The following SHANK2 variants were observed in gnomAD, a reference collection of about 807,000 sequenced individuals.
SHANK2 encodes SH3 and multiple ankyrin repeat domains 2, also known as SH3 and multiple ankyrin repeat domains protein 2.
Under a neutral mutation model 133.7 loss-of-function variants are expected in SHANK2, and 43 were observed. That is an observed-to-expected ratio of 0.32 (90% CI 0.25 to 0.41). The LOEUF (loss-of-function observed/expected upper bound fraction) is 0.41. Ranked by LOEUF, SHANK2 falls within the 10% of genes least tolerant of loss-of-function variation. The pLI is 1.00. For missense variants in SHANK2, 1,994 were observed against 2,235.8 expected, an observed-to-expected ratio of 0.89 and a Z score of 2.18; for synonymous variants, 1,017 against 952.8, an observed-to-expected ratio of 1.07 and a Z score of -1.24.
At chr11:70,762,550 G>A (rs185333335) in intron 14 of SHANK2, among the ~76,000 whole-genome samples, 96 of 152,282 alleles carry the variant, frequency 6.3e-4, no homozygotes, top group African/African-American at 2.2e-3. Flanking sequence ...CCACCCCAGG[G>A]TGCTGCCCCT....
At chr11:71,174,404 G>A (rs557276982) in intron 2 of SHANK2, among the ~76,000 whole-genome samples, 67 of 152,270 alleles carry the variant, frequency 4.4e-4, no homozygotes, top group African/African-American at 1.3e-3. Flanking sequence ...AAATCAGGCC[G>A]GGTGTGGTGG....
intron 11 of SHANK2, among the ~76,000 whole-genome samples, chr11:70,867,711 C>A (rs1420017868): frequency 3.3e-5 from 5 of 152,248 alleles, no homozygotes; most frequent in African/African-American, 1.2e-4. Flanking sequence ...TTAACATTTA[C>A]CCAGCGGCAC....
rs1362068995 is a variant in SHANK2, at chr11:70,862,624, CTGGACTGGACTGGCTGA to C, written c.1174+33860_1174+33876del. On this transcript the variant is annotated intron_variant, in intron 11 of 25. Transcript: ENST00000601538. ...CTGATGGACTGGACTGGCTGATGGA[CTGGACTGGACTGGCTGA>C]TGGACTGGACTGGCTGATAGACTGG... 2.7e-5 allele frequency among the ~76,000 whole-genome samples: 4 copies of C among 150,508 alleles called. No individual in the cohort carries two copies. The South Asian group carries it at 6.3e-4, about 24-fold the overall frequency.
chr11:70,861,035 C>G (rs1555067700), intron 11 of SHANK2, among the ~76,000 whole-genome samples: 1 of 152,212 alleles, frequency 6.6e-6, no homozygotes, highest in African/African-American at 2.4e-5. Flanking sequence ...CAGCGCTGGC[C>G]TTTCCGGGCC....
At chr11:71,094,516 G>A (rs562203764) in intron 7 of SHANK2, 21 bp downstream of exon 7, 2 of 1,545,174 alleles carry the variant, frequency 1.3e-6, no homozygotes, top group South Asian at 1.2e-5. Context: ...TGGCACCCAA[G>A]TAAGATGGGC....
At chr11:71,245,827 A>C (rs1291342184) in intron 1 of SHANK2, among the ~76,000 whole-genome samples, 5 of 152,212 alleles carry the variant, frequency 3.3e-5, no homozygotes, top group African/African-American at 1.2e-4. Flanking sequence ...TGCAGACAGG[A>C]GCAAGGCGTG....
rs536566644 is a variant in SHANK2 at position 71,252,201 on chromosome 11, G to C, written c.-113+224C>G. Among the ~76,000 whole-genome samples the C allele has an allele frequency of 1.1e-3, 162 of 152,264 alleles. No individual in the cohort carries two copies. The highest frequency in any genetic ancestry group is 3.4e-3 in the Middle Eastern group (1 of 292). On this transcript the variant is annotated intron_variant, in intron 1 of 25. Transcript: ENST00000601538. The surrounding 1 kb of genome is among the most constrained non-coding windows in gnomAD (Gnocchi z 6.3). ...TGCCCGGGAAGAAAGGCATGCAGGG[G>C]GAAGGGCTCTCTACGGAAAATCGAC... is the stretch of plus-strand genomic sequence containing the variant.
At chr11:70,781,557 A>AC (rs1947489793) in intron 14 of SHANK2, among the ~76,000 whole-genome samples, 1 of 24,830 alleles carries the variant, frequency 4.0e-5, no homozygotes, top group Non-Finnish European at 8.4e-5. Context: ...TTACTTACTT[A>AC]TTATATATAT....
At chr11:71,136,646 G>A (rs149706446) in intron 3 of SHANK2, among the ~76,000 whole-genome samples, 4 of 152,312 alleles carry the variant, frequency 2.6e-5, no homozygotes, top group African/African-American at 9.6e-5. Flanking sequence ...TGATTATGCT[G>A]AGTCAAAGAA....
At chr11:71,181,984 T>C (rs1953567669) in intron 2 of SHANK2, among the ~76,000 whole-genome samples, 1 of 152,174 alleles carries the variant, frequency 6.6e-6, no homozygotes, top group African/African-American at 2.4e-5. Flanking sequence ...CGCCCTGCAG[T>C]AACCCTGGCA....
At chr11:70,698,787 A>G (rs1448434796) in intron 14 of SHANK2, 24 bp from the exon 15 acceptor site, 12 of 718,404 alleles carry the variant, frequency 1.7e-5, no homozygotes, top group Non-Finnish European at 2.9e-5. Context: ...GAAGAGAAAC[A>G]CCATTCAGAA....
chr11:70,599,913 A>AAAAGAAAGAAAG (rs2060463678), intron 17 of SHANK2, among the ~76,000 whole-genome samples: 14 of 71,816 alleles, frequency 1.9e-4, no homozygotes, highest in Admixed American at 4.8e-4. Context: ...AAGAGAAAGA[A>AAAAGAAAGAAAG]AGAAAGAAAG....
intron 17 of SHANK2, among the ~76,000 whole-genome samples, chr11:70,566,960 G>A (rs1031880256): frequency 1.3e-5 from 2 of 152,212 alleles, no homozygotes; most frequent in African/African-American, 4.8e-5. Context: ...GGCTAAACAC[G>A]ATCAAAGAAA....
At chr11:71,225,461 G>A (rs1425244522) in intron 1 of SHANK2, among the ~76,000 whole-genome samples, 1 of 152,170 alleles carries the variant, frequency 6.6e-6, no homozygotes, top group Non-Finnish European at 1.5e-5. Context: ...GATTTCTATG[G>A]CACCTGTCAG....
rs1555158215 is a variant in SHANK2 at position 70,500,614 on chromosome 11, C to T, written c.2288-24G>A. On this transcript the variant is annotated intron_variant, in intron 20 of 25. Transcript: ENST00000601538. The surrounding 1 kb of genome is among the most constrained non-coding windows in gnomAD (Gnocchi z 4.5). ...GGCTTGCAAACAGAAAGGGGACCGC[C>T]ATGAGCCACCAGGATGCAGCGCCCG... 1.9e-6 allele frequency: 3 copies of T among 1,597,998 alleles called. No homozygotes were observed. In the South Asian group the frequency reaches 3.4e-5, roughly 18 times the overall value.
At chr11:70,841,717 T>C (rs1043518107) in intron 11 of SHANK2, among the ~76,000 whole-genome samples, 1 of 152,180 alleles carries the variant, frequency 6.6e-6, no homozygotes, top group Non-Finnish European at 1.5e-5. Context: ...GGGGTGAGTC[T>C]CCAGCCCGCA....
At chr11:71,140,451 A>G (rs1952533125) in intron 3 of SHANK2, among the ~76,000 whole-genome samples, 1 of 152,230 alleles carries the variant, frequency 6.6e-6, no homozygotes, top group African/African-American at 2.4e-5. Flanking sequence ...CCTGCCAAGG[A>G]AAGCGTCAAA....
In SHANK2 at chr11:70,592,309, G is replaced by C. The variant is rs181053389; in HGVS notation, c.2061+67519C>G. 1.8e-4 allele frequency among the ~76,000 whole-genome samples: 28 copies of C among 152,258 alleles called. No homozygotes were observed. The East Asian group carries it at 5.5e-3, about 30-fold the overall frequency. ...GGCAGGTGAGGACTGGGTCCTGCCT[G>C]GGGAGGCTGGCACTGTCTTTGGGTC... On this transcript the variant is annotated intron_variant, in intron 17 of 25. Transcript: ENST00000601538.
intron 17 of SHANK2, among the ~76,000 whole-genome samples, chr11:70,567,871 A>T (rs1240535412): frequency 6.6e-6 from 1 of 152,206 alleles, no homozygotes; most frequent in Non-Finnish European, 1.5e-5. Context: ...CACACCCTGG[A>T]ATAGCTGCAG....
Sources: gnomAD v4.1 joint callset for allele counts (sites outside exome capture counted in the v4.1 genomes callset) on GRCh38, gnomAD v4.1.1 for gene constraint, Gnocchi (gnomAD v3.1) non-coding constraint, MANE v1.5 for transcripts, NCBI Gene and HGNC (gene_info 2026-07-23, HGNC 2026-07-21) for gene names.